The following RBBP5 variants were observed in gnomAD, a reference collection of about 807,000 sequenced individuals.
RBBP5 encodes the protein retinoblastoma-binding protein 5.
A neutral mutation model predicts 72.2 loss-of-function variants in RBBP5; 5 were observed. The ratio of observed to expected loss-of-function variants is 0.07; its 90% CI spans 0.04 to 0.15. The LOEUF (loss-of-function observed/expected upper bound fraction) is 0.15. Among genes scored for constraint, RBBP5 ranks in the 10% least tolerant of loss-of-function variants. The pLI is 1.00. For synonymous variants in RBBP5, 209 were observed against 237.2 expected (o/e 0.88, Z 1.09); for missense variants, 322 against 652.2 (o/e 0.49, Z 5.51).
chr1:205,088,607 G>A lies in RBBP5; in HGVS notation c.*180C>T. On this transcript the variant is annotated 3_prime_UTR_variant, in exon 14 of 14. Transcript: ENST00000264515. ...ACTTATGCTTGAAAGGGAAGGGAAG[G>A]TCGTATACTCTTCTTCCATAATTCA... 1.7e-6 allele frequency: 1 copy of A among 604,918 alleles called. No individual in the cohort carries two copies. The highest frequency in any genetic ancestry group is 2.9e-6 in the Non-Finnish European group (1 of 347,276). 37.5% of individuals were successfully genotyped at this position (604,918 alleles called of 1,614,324 possible). A position where few individuals can be genotyped will look rare whatever the true frequency, so the allele number is the denominator to read the frequency against.
chr1:205,116,066 T>C (rs1656508103), intron 1 of RBBP5, 183 bp from the exon 2 acceptor site: 1 of 1,265,224 alleles, frequency 7.9e-7, no homozygotes. Flanking sequence ...ACTCTCATTA[T>C]CTCGGAAATA....
chr1:205,111,570 T>C (rs1372954324), intron 3 of RBBP5, among the ~76,000 whole-genome samples: 1 of 152,168 alleles, frequency 6.6e-6, no homozygotes, highest in Non-Finnish European at 1.5e-5. Flanking sequence ...CCAATCAAAT[T>C]AATGACTAAG....
intron 3 of RBBP5, among the ~76,000 whole-genome samples, chr1:205,114,276 T>C (rs901797215): frequency 1.3e-5 from 2 of 152,196 alleles, no homozygotes; most frequent in Admixed American, 1.3e-4. Flanking sequence ...AAAATAAAAT[T>C]TTCTGAAGCA....
At chr1:205,102,025 T>G (rs1574699784) in intron 5 of RBBP5, among the ~76,000 whole-genome samples, 1 of 151,464 alleles carries the variant, frequency 6.6e-6, no homozygotes, top group Non-Finnish European at 1.5e-5. Context: ...GCCTCCTGAG[T>G]AGCTGGGATT....
Position 205,116,593 on chromosome 1 carries a change from G to C in RBBP5, c.20-710C>G, listed in dbSNP as rs145736796. Among the ~76,000 whole-genome samples the C allele has an allele frequency of 4.0e-3, 615 of 152,282 alleles. 6 individuals are homozygous for C. Among genetic ancestry groups the C allele is most frequent in the Admixed American group, 6.2e-3 (95 of 15,296 alleles). On this transcript the variant is annotated intron_variant, in intron 1 of 13. Coordinates refer to ENST00000264515, the MANE Select transcript of RBBP5 (RefSeq NM_005057.4). ...CAGAACTTTGGGAGGCCAAGTTGCG[G>C]CAGATCACAAGGGAGTTCAAGACCG...
In RBBP5 at chr1:205,120,784, A is replaced by C. The variant is rs368203968; in HGVS notation, c.19+1071T>G. ...GCGACGGCGCGAGGCTGTCTTAAAA[A>C]AAAAAAAAAAAGTCCACTTAAAACT... On this transcript the variant is annotated intron_variant, in intron 1 of 13. Coordinates refer to ENST00000264515, the MANE Select transcript of RBBP5 (RefSeq NM_005057.4). Among the ~76,000 whole-genome samples, 25 of 152,286 alleles carry C rather than the reference A, an allele frequency of 1.6e-4. No homozygotes were observed. The South Asian group carries it at 5.2e-3, about 32-fold the overall frequency.
At chr1:205,108,548 A>G (rs1250029651) in intron 3 of RBBP5, among the ~76,000 whole-genome samples, 3 of 152,218 alleles carry the variant, frequency 2.0e-5, no homozygotes, top group Non-Finnish European at 2.9e-5. Context: ...GATAAAGCAA[A>G]ATGGAATTCT....
chr1:205,089,704 A>C (rs1184385932), intron 13 of RBBP5, among the ~76,000 whole-genome samples: 1 of 152,230 alleles, frequency 6.6e-6, no homozygotes, highest in African/African-American at 2.4e-5. Context: ...ATGAGATACA[A>C]ACTTTCTACT....
chr1:205,093,379 G>A (rs1281583147), intron 13 of RBBP5, among the ~76,000 whole-genome samples: 2 of 145,170 alleles, frequency 1.4e-5, no homozygotes, highest in Non-Finnish European at 3.0e-5. Flanking sequence ...AGAATCACTT[G>A]AACCAGGAGG....
At chr1:205,089,420 A>G (rs1054483829) in intron 13 of RBBP5, among the ~76,000 whole-genome samples, 3 of 152,248 alleles carry the variant, frequency 2.0e-5, no homozygotes, top group Non-Finnish European at 2.9e-5. Flanking sequence ...ATTCCATAGA[A>G]GCTGCTCAAC....
intron 5 of RBBP5, among the ~76,000 whole-genome samples, chr1:205,102,588 T>C (rs1434616305): frequency 6.6e-6 from 1 of 152,182 alleles, no homozygotes; most frequent in Admixed American, 6.5e-5. Context: ...AGATGGATGG[T>C]GATCATTGCA....
At chr1:205,102,412 A>T (rs554717473) in intron 5 of RBBP5, among the ~76,000 whole-genome samples, 81 of 152,334 alleles carry the variant, frequency 5.3e-4, no homozygotes, top group Middle Eastern at 3.4e-3. Context: ...CAGTCACAAA[A>T]GGGCAAATAC....
chr1:205,097,293 A>G (rs1489336905), intron 11 of RBBP5, 33 bp downstream of exon 11: 16 of 1,549,112 alleles, frequency 1.0e-5, no homozygotes, highest in East Asian at 2.4e-5. Flanking sequence ...GAGCAGCAGT[A>G]GCCAAGGTGC....
chr1:205,115,852 T>C lies in RBBP5; in HGVS notation c.45+6A>G, dbSNP rs764984353. 6.2e-7 allele frequency: 1 copy of C among 1,608,322 alleles called. No homozygotes were observed. On this transcript the variant is annotated splice_donor_region_variant and intron_variant, in intron 2 of 13. Transcript: ENST00000264515. ...TCCTAAAATCACCACAATACTATAC[T>C]CTTACCTCTGGATAGTTCTGCCCAA...
At chr1:205,100,953 C>T (rs113040186) in intron 6 of RBBP5, among the ~76,000 whole-genome samples, 1,754 of 152,198 alleles carry the variant, frequency 0.012, 44 homozygotes, top group African/African-American at 0.041. Flanking sequence ...CTCACATGTG[C>T]AGTTCAAAAT....
chr1:205,108,283 T>C (rs1656164632), intron 3 of RBBP5, among the ~76,000 whole-genome samples: 1 of 152,126 alleles, frequency 6.6e-6, no homozygotes, highest in East Asian at 1.9e-4. Context: ...TGAGTTTTGA[T>C]GTTTGAAACA....
intron 3 of RBBP5, among the ~76,000 whole-genome samples, chr1:205,111,256 T>G (rs1243740453): frequency 1.3e-5 from 2 of 152,206 alleles, no homozygotes; most frequent in Non-Finnish European, 2.9e-5. Context: ...TCTCAGATGC[T>G]TATTGGGACA....
chr1:205,116,179 G>A (rs1558582709), intron 1 of RBBP5: 2 of 470,884 alleles, frequency 4.2e-6, no homozygotes, highest in East Asian at 4.0e-5. Flanking sequence ...GGCAAACATT[G>A]AAGAGATTTG....
intron 13 of RBBP5, chr1:205,091,383 T>C (rs1279327439): frequency 6.6e-6 from 1 of 152,254 alleles, no homozygotes; most frequent in Admixed American, 6.5e-5. Flanking sequence ...AGCCTGGTCC[T>C]TCCCAAAAGT....
Sources: gnomAD v4.1 joint callset for allele counts (sites outside exome capture counted in the v4.1 genomes callset) on GRCh38, gnomAD v4.1.1 for gene constraint, MANE v1.5 for transcripts, NCBI Gene and HGNC (gene_info 2026-07-23, HGNC 2026-07-21) for gene names.